OTC: variants seen among roughly 807,000 people sequenced by gnomAD.
OTC encodes the protein ornithine transcarbamylase, mitochondrial.
In OTC, 3 loss-of-function variants were observed where a neutral mutation model predicts 30.3. The ratio of observed to expected loss-of-function variants is 0.10; its 90% CI spans 0.05 to 0.26. The LOEUF (loss-of-function observed/expected upper bound fraction) is 0.26, where lower values mean the gene tolerates loss of function less well. Among genes scored for constraint, OTC ranks in the 10% least tolerant of loss-of-function variants. The pLI, the probability that OTC is intolerant of heterozygous loss-of-function variation, is 1.00. For synonymous variants in OTC, 111 were observed against 99.7 expected, an observed-to-expected ratio of 1.11 and a Z score of -0.67; for missense variants, 194 against 260.3, an observed-to-expected ratio of 0.75 and a Z score of 1.75.
intron 4 of OTC, among the ~76,000 whole-genome samples, chrX:38,395,177 T>C (rs2068449422): frequency 9.0e-6 from 1 of 110,885 alleles, no homozygotes; most frequent in Admixed American, 9.7e-5. Flanking sequence ...TTCACTATGT[T>C]GGCCAGGCTG....
At chrX:38,405,776 G>A (rs2068513226) in intron 6 of OTC, among the ~76,000 whole-genome samples, 2 of 111,676 alleles carry the variant, frequency 1.8e-5, no homozygotes. Context: ...GATCCGATAT[G>A]TGCTTAAAGC....
intron 6 of OTC, among the ~76,000 whole-genome samples, chrX:38,404,181 G>T (rs1488786558): frequency 1.8e-5 from 2 of 112,059 alleles, no homozygotes; most frequent in Non-Finnish European, 3.8e-5. Flanking sequence ...TCACAGTGAT[G>T]GCATCTACAC....
the OTC span, among the ~76,000 whole-genome samples, chrX:38,338,418 C>G: frequency 1.2e-4 from 13 of 112,006 alleles, no homozygotes; most frequent in African/African-American, 4.2e-4. Context: ...GTCAACCAGT[C>G]CTGATTTTTA....
At chrX:38,341,937 CTTTG>C in the OTC span, among the ~76,000 whole-genome samples, 4 of 86,515 alleles carry the variant, frequency 4.6e-5, no homozygotes, top group African/African-American at 1.7e-4. Flanking sequence ...AGTGTGATTT[CTTTG>C]TTTGTTGTTT....
At chrX:38,341,680 A>G in the OTC span, among the ~76,000 whole-genome samples, 1 of 111,991 alleles carries the variant, frequency 8.9e-6, no homozygotes, top group African/African-American at 3.2e-5. Flanking sequence ...GAAGTACTTA[A>G]CAGTCATTTA....
chrX:38,389,428 T>A (rs771428273), intron 4 of OTC, among the ~76,000 whole-genome samples: 46 of 111,252 alleles, frequency 4.1e-4, no homozygotes, highest in African/African-American at 1.5e-3. Context: ...AATACTGTTA[T>A]TCAGGTATTT....
At chrX:38,418,099 C>T (rs755904113) in intron 9 of OTC, among the ~76,000 whole-genome samples, 3 of 111,455 alleles carry the variant, frequency 2.7e-5, no homozygotes, top group African/African-American at 9.8e-5. Context: ...TTTAGATTCC[C>T]ACCAACAATG....
At chrX:38,413,069 C>T (rs184503454) in intron 9 of OTC, among the ~76,000 whole-genome samples, 1 of 112,004 alleles carries the variant, frequency 8.9e-6, no homozygotes, top group East Asian at 2.8e-4. Flanking sequence ...GCTTCTGCAC[C>T]CAAGTCTGGA....
At chrX:38,391,228 A>G (rs1364371914) in intron 4 of OTC, among the ~76,000 whole-genome samples, 1 of 109,707 alleles carries the variant, frequency 9.1e-6, no homozygotes, top group Non-Finnish European at 1.9e-5. Flanking sequence ...GGAACATCAC[A>G]CACCAGAGCC....
At chrX:38,351,690 C>T (rs1328465938), upstream of OTC, among the ~76,000 whole-genome samples, 2 of 111,902 alleles carry the variant, frequency 1.8e-5, no homozygotes, top group Non-Finnish European at 3.8e-5. Context: ...ATATGGTATC[C>T]CCACTTCCCA....
At position 38,368,545 on chromosome X, in the gene OTC, T is replaced by G. The variant is rs140026872; in HGVS notation, c.216+1116T>G. On this transcript the variant is annotated intron_variant, in intron 2 of 9. Transcript: ENST00000039007. ...TAGGAGAAGAGATGGGATATGGTTC[T>G]TAGCTATAAGCATAATTCTGCATTT... Among the ~76,000 whole-genome samples the G allele has an allele frequency of 2.4e-3, 264 of 109,417 alleles. 1 individual carries two copies. The highest frequency in any genetic ancestry group is 8.3e-3 in the African/African-American group (250 of 30,049).
intron 1 of OTC, among the ~76,000 whole-genome samples, 185 bp downstream of exon 1, chrX:38,352,958 G>A (rs774591959): frequency 1.9e-4 from 21 of 111,975 alleles, no homozygotes; most frequent in Non-Finnish European, 2.8e-4. Flanking sequence ...AGATTTCACC[G>A]TGTGCTGTAG....
chrX:38,405,315 CA>C (rs2068510275), intron 6 of OTC, among the ~76,000 whole-genome samples: 1 of 111,800 alleles, frequency 8.9e-6, no homozygotes, highest in African/African-American at 3.3e-5. Context: ...TACTCTTTCA[CA>C]GTTTTGGAGA....
intron 5 of OTC, among the ~76,000 whole-genome samples, chrX:38,402,937 C>A (rs1414643702): frequency 9.0e-6 from 1 of 110,947 alleles, no homozygotes; most frequent in Non-Finnish European, 1.9e-5. Context: ...GCCTCAGCCT[C>A]CGGAGTAGCT....
At chrX:38,384,736 G>T (rs938598802) in intron 4 of OTC, among the ~76,000 whole-genome samples, 21 of 110,423 alleles carry the variant, frequency 1.9e-4, no homozygotes, top group Middle Eastern at 4.6e-3. Context: ...GGGCCTGGTC[G>T]AATAAAAAGT....
chrX:38,330,253 A>T, the OTC span, among the ~76,000 whole-genome samples: 5 of 111,999 alleles, frequency 4.5e-5, no homozygotes, highest in African/African-American at 1.6e-4. Context: ...AAGGCAAGGA[A>T]GTGGATGCTC....
intron 9 of OTC, among the ~76,000 whole-genome samples, chrX:38,414,847 G>A (rs2068562216): frequency 9.0e-6 from 1 of 110,635 alleles, no homozygotes; most frequent in African/African-American, 3.3e-5. Context: ...TGAGCTAGAT[G>A]ATTTGGAGGT....
chrX:38,354,752 T>C (rs2068232150), intron 1 of OTC, among the ~76,000 whole-genome samples: 1 of 111,446 alleles, frequency 9.0e-6, no homozygotes, highest in Non-Finnish European at 1.9e-5. Flanking sequence ...TATTGAAAAA[T>C]GAGATAATGT....
In OTC at chrX:38,391,365, G is replaced by A. The variant is rs757379643; in HGVS notation, c.387-9910G>A. ...CATATGTAACTAACCTGCATGTTGTGCACATGTACCCTAAAACTTAAACTA... is the reference window on the plus strand; with the variant it reads ...CATATGTAACTAACCTGCATGTTGTACACATGTACCCTAAAACTTAAACTA... On this transcript the variant is annotated intron_variant, in intron 4 of 9. Transcript: ENST00000039007. 2.7e-3 allele frequency among the ~76,000 whole-genome samples: 301 copies of A among 110,928 alleles called. 1 individual carries two copies. The highest frequency in any genetic ancestry group is 9.2e-3 in the African/African-American group (282 of 30,499).
Sources: allele counts gnomAD v4.1 joint callset (sites outside exome capture counted in the v4.1 genomes callset), GRCh38; gene constraint gnomAD v4.1.1; transcripts MANE v1.5; gene names NCBI Gene and HGNC (gene_info 2026-07-23, HGNC 2026-07-21).